Variants in C10orf67 observed in about 807,000 individuals in gnomAD.
C10orf67 encodes the protein uncharacterized protein C10orf67, mitochondrial.
In C10orf67, 60 loss-of-function variants were observed where a neutral mutation model predicts 35.6. The ratio of observed to expected loss-of-function variants is 1.68; its 90% CI spans 1.37 to 2.09. C10orf67 has a LOEUF of 2.09. Among genes scored for constraint, C10orf67 ranks in the 30% most tolerant of loss-of-function variants. The pLI, the probability that C10orf67 is intolerant of heterozygous loss-of-function variation, is 0.00. For missense variants in C10orf67, 474 were observed against 330.2 expected, an observed-to-expected ratio of 1.44 and a Z score of -3.38; for synonymous variants, 167 against 115.8, an observed-to-expected ratio of 1.44 and a Z score of -2.84.
At chr10:23,241,172 C>A (rs529784736) in intron 12 of C10orf67, among the ~76,000 whole-genome samples, 6 of 152,218 alleles carry the variant, frequency 3.9e-5, no homozygotes, top group African/African-American at 7.2e-5. Flanking sequence ...CTTCTACTTT[C>A]TCCCCTTTCA....
intron 6 of C10orf67, among the ~76,000 whole-genome samples, chr10:23,290,365 C>G (rs1843684529): frequency 6.6e-6 from 1 of 152,182 alleles, no homozygotes; most frequent in African/African-American, 2.4e-5. Flanking sequence ...TAGAATTTTA[C>G]ATCCAAGGGA....
Position 23,203,940 on chromosome 10 carries a change from T to C in C10orf67, c.*233A>G. ...GCCCCGGAGGTTCAGTGCGCCCCGCTCACCCAGCACCAGCCAGGGCTTTCC... is the reference window on the plus strand; with the variant it reads ...GCCCCGGAGGTTCAGTGCGCCCCGCCCACCCAGCACCAGCCAGGGCTTTCC... On this transcript the variant is annotated 3_prime_UTR_variant, in exon 16 of 16. Coordinates refer to ENST00000636213, the MANE Select transcript of C10orf67 (RefSeq NM_001371909.1). 1 of 345,914 alleles carries C rather than the reference T, an allele frequency of 2.9e-6. No individual in the cohort carries two copies. The highest frequency in any genetic ancestry group is 5.2e-6 in the Non-Finnish European group (1 of 193,646). The allele number at this position is 345,914 out of a possible 1,614,324, so 21.4% of individuals were successfully genotyped here. A position where few individuals can be genotyped will look rare whatever the true frequency, so the allele number is the denominator to read the frequency against.
chr10:23,278,074 C>A (rs1346972798), intron 8 of C10orf67, among the ~76,000 whole-genome samples: 1 of 152,192 alleles, frequency 6.6e-6, no homozygotes, highest in African/African-American at 2.4e-5. Flanking sequence ...TGACGCTAAA[C>A]CATTCATGAG....
chr10:23,237,595 C>G (rs1842081865), intron 13 of C10orf67, among the ~76,000 whole-genome samples: 1 of 152,072 alleles, frequency 6.6e-6, no homozygotes, highest in Middle Eastern at 3.2e-3. Context: ...TACAAAGGAA[C>G]TTAAGAAGGA....
intron 10 of C10orf67, chr10:23,258,098 C>T (rs1157701468): frequency 1.3e-5 from 2 of 152,276 alleles, no homozygotes; most frequent in Non-Finnish European, 2.9e-5. Flanking sequence ...GTGCCAGCCA[C>T]GTTAGGTGGT....
chr10:23,306,502 C>G (rs1844285178), intron 4 of C10orf67, among the ~76,000 whole-genome samples: 1 of 144,818 alleles, frequency 6.9e-6, no homozygotes, highest in Admixed American at 7.2e-5. Flanking sequence ...CCAGCCCAGC[C>G]TGGGTGACAG....
intron 13 of C10orf67, among the ~76,000 whole-genome samples, chr10:23,229,027 G>A (rs1268583946): frequency 2.6e-5 from 4 of 152,064 alleles, no homozygotes; most frequent in Non-Finnish European, 5.9e-5. Flanking sequence ...ACAGTGTGGC[G>A]ATTCCTCAAG....
chr10:23,239,801 C>T lies in C10orf67; in HGVS notation c.1362G>A (p.Lys454=), dbSNP rs1417186157. The change falls in exon 13 of 16, where the codon AAG becomes AAA. Residue 454 remains lysine, a synonymous_variant. Coordinates refer to ENST00000636213, the MANE Select transcript of C10orf67 (RefSeq NM_001371909.1). ...GTGTGTGCCTTGTAAACATCTCATT[C>T]TTAAGGACATGAAAGCTGAAATTTT... ...FILRNSFHVL[K]NEMFTRHTLF... 1 of 619,444 alleles carries T rather than the reference C, an allele frequency of 1.6e-6. No individual in the cohort carries two copies. The highest frequency in any genetic ancestry group is 1.8e-5 in the African/African-American group (1 of 56,290). 38.4% of individuals were successfully genotyped at this position (619,444 alleles called of 1,614,324 possible). A position where few individuals can be genotyped will look rare whatever the true frequency, so the allele number is the denominator to read the frequency against.
chr10:23,211,998 C>T (rs968323644), intron 15 of C10orf67, among the ~76,000 whole-genome samples: 1 of 152,160 alleles, frequency 6.6e-6, no homozygotes, highest in Non-Finnish European at 1.5e-5. Context: ...CCTCCAGTAC[C>T]TATAAATGTG....
chr10:23,323,350 G>A (rs188505662), intron 2 of C10orf67, among the ~76,000 whole-genome samples: 9 of 152,160 alleles, frequency 5.9e-5, no homozygotes, highest in Admixed American at 2.0e-4. Context: ...ATTCACTAGG[G>A]CTCCCACCTG....
chr10:23,227,885 T>C (rs371417919), intron 13 of C10orf67, among the ~76,000 whole-genome samples: 16 of 152,164 alleles, frequency 1.1e-4, no homozygotes, highest in African/African-American at 3.1e-4. Context: ...TTACAAGGGA[T>C]GTGAAGGACC....
rs562077232 is a variant in C10orf67 at position 23,297,607 on chromosome 10, A to G, written c.702+5697T>C. 2.0e-5 allele frequency among the ~76,000 whole-genome samples: 3 copies of G among 152,334 alleles called. No individual in the cohort carries two copies. The East Asian group carries it at 5.8e-4, about 29-fold the overall frequency. On this transcript the variant is annotated intron_variant, in intron 5 of 15. Coordinates refer to ENST00000636213, the MANE Select transcript of C10orf67 (RefSeq NM_001371909.1). ...TTCGAAGTCCTTTTTCTACAAAGGAACTTCCATTAGTATACAAGTTGAGGT... is the reference window on the plus strand; with the variant it reads ...TTCGAAGTCCTTTTTCTACAAAGGAGCTTCCATTAGTATACAAGTTGAGGT...
intron 10 of C10orf67, among the ~76,000 whole-genome samples, chr10:23,264,577 C>T (rs572526547): frequency 1.3e-5 from 2 of 152,250 alleles, no homozygotes; most frequent in East Asian, 3.9e-4. Flanking sequence ...TTTGCATTTT[C>T]GGTGGGGAAC....
chr10:23,325,195 G>C (rs913815818), intron 2 of C10orf67, among the ~76,000 whole-genome samples: 1 of 152,068 alleles, frequency 6.6e-6, no homozygotes, highest in African/African-American at 2.4e-5. Context: ...AAATTAGCCA[G>C]GCGTGGTGGT....
rs538494221 is a variant in C10orf67 at position 23,314,987 on chromosome 10, A to G, written c.546+5754T>C. 2.0e-5 allele frequency among the ~76,000 whole-genome samples: 3 copies of G among 152,310 alleles called. No individual in the cohort carries two copies. The East Asian group carries it at 5.8e-4, about 29-fold the overall frequency. ...GGTCTCCAGAGGGCAGCAGAGAGTC[A>G]TTTATACTTGTCAATCTACAAAAAG... On this transcript the variant is annotated intron_variant, in intron 4 of 15. Coordinates refer to ENST00000636213, the MANE Select transcript of C10orf67 (RefSeq NM_001371909.1).
intron 4 of C10orf67, among the ~76,000 whole-genome samples, chr10:23,313,188 A>C (rs1026404934): frequency 2.6e-5 from 4 of 152,222 alleles, no homozygotes; most frequent in Non-Finnish European, 5.9e-5. Flanking sequence ...CCCACTGGGT[A>C]CAAACCTCCA....
At chr10:23,262,725 T>C (rs971959101) in intron 10 of C10orf67, among the ~76,000 whole-genome samples, 4 of 152,216 alleles carry the variant, frequency 2.6e-5, no homozygotes, top group East Asian at 1.9e-4. Flanking sequence ...ACTAGAATAT[T>C]TTCTGTTCCA....
At chr10:23,233,130 C>A (rs1841957258) in intron 13 of C10orf67, among the ~76,000 whole-genome samples, 1 of 152,074 alleles carries the variant, frequency 6.6e-6, no homozygotes, top group Non-Finnish European at 1.5e-5. Flanking sequence ...GCACTCCAGT[C>A]TGGGTGACAG....
chr10:23,278,503 A>G (rs1043008899), intron 8 of C10orf67, among the ~76,000 whole-genome samples: 2 of 152,336 alleles, frequency 1.3e-5, no homozygotes, highest in East Asian at 3.9e-4. Context: ...GAGGGCCACC[A>G]TGTTAGGTTT....
Sources: gnomAD v4.1 joint callset for allele counts (sites outside exome capture counted in the v4.1 genomes callset) on GRCh38, gnomAD v4.1.1 for gene constraint, MANE v1.5 for transcripts, NCBI Gene and HGNC (gene_info 2026-07-23, HGNC 2026-07-21) for gene names.